MSH3: variants seen among roughly 807,000 people sequenced by gnomAD.
MSH3 encodes DNA mismatch repair protein Msh3.
Under a neutral mutation model 123.3 loss-of-function variants are expected in MSH3, and 106 were observed. That is an observed-to-expected ratio of 0.86 (90% CI 0.73 to 1.01). MSH3 has a LOEUF of 1.01. MSH3 is among the 50% of genes least tolerant of loss of function. The pLI, the probability that MSH3 is intolerant of heterozygous loss-of-function variation, is 0.00. For missense variants in MSH3, 1,459 were observed against 1,347.6 expected (o/e 1.08, Z -1.29); for synonymous variants, 515 against 481.4 (o/e 1.07, Z -0.91).
intron 8 of MSH3, among the ~76,000 whole-genome samples, chr5:80,706,288 G>A (rs1021924821): frequency 6.6e-6 from 1 of 152,128 alleles, no homozygotes; most frequent in African/African-American, 2.4e-5. Context: ...GACTCAAAAG[G>A]CGTATGATTG....
Position 80,768,124 on chromosome 5 carries a change from A to G in MSH3, c.2084+4A>G. The G allele has an allele frequency of 6.2e-7, 1 of 1,612,778 alleles. No individual in the cohort carries two copies. Among genetic ancestry groups the G allele is most frequent in the Non-Finnish European group, 8.5e-7 (1 of 1,178,830 alleles). On this transcript the variant is annotated splice_donor_region_variant and intron_variant, in intron 14 of 23. Coordinates refer to ENST00000265081, the MANE Select transcript of MSH3 (RefSeq NM_002439.5). The stretch of plus-strand genomic sequence containing the variant: ...TACTCAATGAACAAGCTGCCAAGTA[A>G]GTACCAGACCCTGAATTCTTCCTTT...
At chr5:80,670,469 A>G (rs969617450) in intron 4 of MSH3, among the ~76,000 whole-genome samples, 160 bp downstream of exon 4, 1 of 152,252 alleles carries the variant, frequency 6.6e-6, no homozygotes, top group East Asian at 1.9e-4. Context: ...AATGAACACA[A>G]GAAACTTGGT....
At chr5:80,827,396 A>G (rs896785826) in intron 20 of MSH3, among the ~76,000 whole-genome samples, 3 of 152,240 alleles carry the variant, frequency 2.0e-5, no homozygotes, top group African/African-American at 7.2e-5. Flanking sequence ...ATTGGAAGAT[A>G]ATAGACATTC....
intron 8 of MSH3, among the ~76,000 whole-genome samples, chr5:80,709,111 C>T (rs1172900451): frequency 1.3e-5 from 2 of 151,584 alleles, no homozygotes; most frequent in African/African-American, 4.8e-5. Context: ...TTGTATTTAT[C>T]ACATAATAGA....
chr5:80,866,506 G>A (rs1304512734), intron 22 of MSH3, among the ~76,000 whole-genome samples: 3 of 152,180 alleles, frequency 2.0e-5, no homozygotes, highest in Non-Finnish European at 4.4e-5. Context: ...CTGCTGACAA[G>A]CTTCCATCCC....
chr5:80,850,705 AG>A lies in MSH3; in HGVS notation c.2814-3424del, dbSNP rs1745816399. Among the ~76,000 whole-genome samples the A allele has an allele frequency of 2.0e-5, 3 of 152,210 alleles. No individual in the cohort carries two copies. The South Asian group carries it at 6.2e-4, about 32-fold the overall frequency. On this transcript the variant is annotated intron_variant, in intron 20 of 23. Transcript: ENST00000265081. ...TCCCACAACATGTGGGAATTACGGG[AG>A]CTACAAGAAAAGATGTGGCTGGGGA...
At chr5:80,820,744 T>C (rs1036909904) in intron 20 of MSH3, among the ~76,000 whole-genome samples, 2 of 152,178 alleles carry the variant, frequency 1.3e-5, no homozygotes, top group African/African-American at 4.8e-5. Flanking sequence ...TTCGGTCTTA[T>C]AAAGAAAACA....
chr5:80,755,010 C>T (rs1233592404), intron 12 of MSH3, among the ~76,000 whole-genome samples: 1 of 152,172 alleles, frequency 6.6e-6, no homozygotes, highest in Non-Finnish European at 1.5e-5. Context: ...GTTCCATGAG[C>T]CAGCAACCGG....
At chr5:80,683,085 A>G (rs1312226107) in intron 8 of MSH3, among the ~76,000 whole-genome samples, 3 of 152,116 alleles carry the variant, frequency 2.0e-5, no homozygotes, top group Non-Finnish European at 2.9e-5. Flanking sequence ...TATGTACTAC[A>G]TTTTCTTTAC....
chr5:80,830,201 AT>A (rs1352316443), intron 20 of MSH3, among the ~76,000 whole-genome samples: 2 of 151,840 alleles, frequency 1.3e-5, no homozygotes. Flanking sequence ...ATTTTTCTCT[AT>A]TGATTTTCTA....
At chr5:80,854,746 G>A (rs1268652724) in intron 21 of MSH3, among the ~76,000 whole-genome samples, 2 of 152,146 alleles carry the variant, frequency 1.3e-5, no homozygotes, top group African/African-American at 4.8e-5. Flanking sequence ...AATAATGTTT[G>A]TAGTTTTTTG....
At chr5:80,715,555 A>G (rs1318265424) in intron 8 of MSH3, among the ~76,000 whole-genome samples, 1 of 152,114 alleles carries the variant, frequency 6.6e-6, no homozygotes, top group African/African-American at 2.4e-5. Flanking sequence ...CTGTTGTATT[A>G]GTTTGTTCTT....
rs898600983 is a variant in MSH3, at chr5:80,709,028, G to A, written c.1341-16425G>A. ...GACTTCAACTGATCTACCCTCCTTG[G>A]CCTCCCAAAGTGCTGGGATTACAGG... On this transcript the variant is annotated intron_variant, in intron 8 of 23. Coordinates refer to ENST00000265081, the MANE Select transcript of MSH3 (RefSeq NM_002439.5). Among the ~76,000 whole-genome samples, 4 of 152,122 alleles carry A rather than the reference G, an allele frequency of 2.6e-5. No individual in the cohort carries two copies. In the South Asian group the frequency reaches 8.3e-4, roughly 32 times the overall value.
chr5:80,762,828 A>ATTTTG (rs1744064270), intron 13 of MSH3, among the ~76,000 whole-genome samples: 1 of 145,430 alleles, frequency 6.9e-6, no homozygotes, highest in Admixed American at 6.8e-5. Context: ...ATGTTATGTT[A>ATTTTG]TGTTATTTTA....
intron 15 of MSH3, among the ~76,000 whole-genome samples, chr5:80,775,437 A>G (rs547358308): frequency 2.6e-5 from 4 of 152,332 alleles, no homozygotes; most frequent in Admixed American, 2.6e-4. Flanking sequence ...CAGAGTATAC[A>G]TATAACAATA....
rs373194778 is a variant in MSH3 at position 80,853,727 on chromosome 5, T to C, written c.2814-403T>C. On this transcript the variant is annotated intron_variant, in intron 20 of 23. Transcript: ENST00000265081. ...TTGTAATATCAGTATGGAATCTTCT[T>C]AAGGAAACACTGAAAAAAACCTTTA... is the stretch of plus-strand genomic sequence containing the variant. 4.6e-5 allele frequency among the ~76,000 whole-genome samples: 7 copies of C among 152,296 alleles called. 1 individual carries two copies. Among genetic ancestry groups the C allele is most frequent in the African/African-American group, 1.7e-4 (7 of 41,564 alleles).
intron 3 of MSH3, among the ~76,000 whole-genome samples, chr5:80,667,100 A>T (rs1677641): frequency 0.28 from 42,213 of 152,162 alleles, 6,097 homozygotes; most frequent in Middle Eastern, 0.35. Flanking sequence ...AGTTAAAAAA[A>T]AGTTGCTTAA....
chr5:80,656,316 C>A, intron 1 of MSH3, 95 bp from the exon 2 acceptor site: 1 of 1,527,816 alleles, frequency 6.5e-7, no homozygotes, highest in Non-Finnish European at 9.0e-7. Flanking sequence ...TGGCAAGGAA[C>A]CTTGTCATTC....
chr5:80,735,359 C>T (rs1423548501), intron 10 of MSH3, among the ~76,000 whole-genome samples: 8 of 124,998 alleles, frequency 6.4e-5, no homozygotes, highest in African/African-American at 2.5e-4. Flanking sequence ...ACTCCAGCCT[C>T]GGTGACAGTG....
Sources: allele counts gnomAD v4.1 joint callset (sites outside exome capture counted in the v4.1 genomes callset), GRCh38; gene constraint gnomAD v4.1.1; transcripts MANE v1.5; gene names NCBI Gene and HGNC (gene_info 2026-07-23, HGNC 2026-07-21).